Variants in MUC17 observed in about 807,000 individuals in gnomAD.
MUC17 encodes mucin-17.
MUC17 carries 190 observed loss-of-function variants against 170.3 expected under a neutral mutation model. The observed-to-expected ratio is 1.12, with a 90% confidence interval of 0.99 to 1.26. The LOEUF is 1.26. Ranked by LOEUF, MUC17 falls within the 50% of genes most tolerant of loss-of-function variation. The probability of loss-of-function intolerance (pLI) is 0.00; values close to 1 mark genes in which losing one functional copy is unlikely to be tolerated. For synonymous variants in MUC17, 2,325 were observed against 2,002.5 expected (o/e 1.16, Z -4.30); for missense variants, 6,415 against 5,530.0 (o/e 1.16, Z -5.08).
chr7:101,031,325 T>C lies in MUC17; in HGVS notation c.184+104T>C, dbSNP rs879156825. On this transcript the variant is annotated intron_variant, in intron 2 of 12. Transcript: ENST00000306151. ...TGAAGCTGCCATATTTTACAGTGTG[T>C]GACGGCTTGAGATCTGGGGCCAGGA... 1.1e-5 allele frequency: 17 copies of C among 1,488,732 alleles called. No homozygotes were observed. The South Asian group carries it at 2.4e-4, about 21-fold the overall frequency. 92.2% of individuals were successfully genotyped at this position (1,488,732 alleles called of 1,614,324 possible).
At chr7:101,021,789 C>T (rs192833801) in intron 1 of MUC17, among the ~76,000 whole-genome samples, 1 of 152,268 alleles carries the variant, frequency 6.6e-6, no homozygotes, top group Non-Finnish European at 1.5e-5. Flanking sequence ...TTTCCATGTC[C>T]CTTCTCCAGG....
At chr7:101,050,396 G>T in intron 6 of MUC17, 88 bp from the exon 7 acceptor site, 2 of 1,531,310 alleles carry the variant, frequency 1.3e-6, no homozygotes, top group South Asian at 2.6e-5. Flanking sequence ...CCTTCCCTTG[G>T]GATCAGAGAG....
Position 101,043,373 on chromosome 7 carries a change from C to T in MUC17, c.11957C>T (p.Ser3986Leu), listed in dbSNP as rs1562819680. The change falls in exon 3 of 13, where the codon TCA becomes TTA. Residue 3986 changes from serine (S) to leucine (L), a missense_variant. Ser to Leu is a moderately radical substitution (Grantham distance 145, BLOSUM62 -2). Transcript: ENST00000306151. ...TSSSSTTTSF[S>L]TTKEFTTPAM... ...AGTAGTAGTACCACCACATCTTTTT[C>T]AACTACTAAGGAATTTACAACACCC... 3 of 1,614,160 alleles carry T rather than the reference C, an allele frequency of 1.9e-6. No individual in the cohort carries two copies. The highest frequency in any genetic ancestry group is 2.5e-6 in the Non-Finnish European group (3 of 1,180,024).
rs770527656 is a variant in MUC17 at position 101,039,979 on chromosome 7, G to A, written c.8563G>A (p.Glu2855Lys). ...AGCCAGTTCATCTCCTACAACTGCT[G>A]AAGGTATCGTCGTGCCAATCTCAAC... ...TKASSSPTTA[E>K]GIVVPISTAS... is the part of the protein sequence containing the mutation. Residue 2855 changes from glutamate to lysine, a missense_variant, in exon 3 of 13, where the codon GAA (glutamate) becomes AAA (lysine). Coordinates refer to ENST00000306151, the MANE Select transcript of MUC17 (RefSeq NM_001040105.2). The A allele has an allele frequency of 1.5e-5, 24 of 1,613,392 alleles. No individual in the cohort carries two copies. The South Asian group carries it at 2.2e-4, about 15-fold the overall frequency.
chr7:101,021,112 G>A (rs1794069504), intron 1 of MUC17, among the ~76,000 whole-genome samples: 2 of 150,668 alleles, frequency 1.3e-5, no homozygotes, highest in African/African-American at 4.9e-5. Flanking sequence ...CCTTGGTGAT[G>A]TATCTCTAAT....
At position 101,020,184 on chromosome 7, in the gene MUC17, T is replaced by A. The variant is rs137964241; in HGVS notation, c.49T>A (p.Ser17Thr). The A allele has an allele frequency of 3.9e-5, 63 of 1,609,992 alleles. No individual in the cohort carries two copies. In the African/African-American group the frequency reaches 8.0e-4, roughly 20 times the overall value. Residue 17 changes from serine (S) to threonine (T), a missense_variant, in exon 1 of 13, where the codon TCG (serine) becomes ACG (threonine). By Grantham distance (58) the Ser-to-Thr change is moderately conservative. Transcript: ENST00000306151. ...GCTGTGTCTGCTGACCTTGGTCCTC[T>A]CGCTCTTGCCCCCACAAGCTGCTGC... ...MALCLLTLVL[S>T]LLPPQAAAEQ... is the part of the protein sequence containing the mutation.
chr7:101,036,457 C>T lies in MUC17; in HGVS notation c.5041C>T (p.Pro1681Ser), dbSNP rs368432656. 3 of 1,610,532 alleles carry T rather than the reference C, an allele frequency of 1.9e-6. No homozygotes were observed. The highest frequency in any genetic ancestry group is 2.5e-6 in the Non-Finnish European group (3 of 1,178,238). ...SPTPAEGTSM[P>S]TSTYTEGRTP... ...TACACCTGCTGAAGGTACCAGCATGCCAACCTCAACTTATACTGAAGGAAG... is the reference window on the plus strand; with the variant it reads ...TACACCTGCTGAAGGTACCAGCATGTCAACCTCAACTTATACTGAAGGAAG... Residue 1681 changes from proline to serine, a missense_variant, in exon 3 of 13, where the codon CCA becomes TCA. By Grantham distance (74) the Pro-to-Ser change is moderately conservative. Transcript: ENST00000306151.
intron 1 of MUC17, among the ~76,000 whole-genome samples, chr7:101,022,679 T>A (rs116754176): frequency 0.015 from 2,294 of 152,124 alleles, 68 homozygotes; most frequent in African/African-American, 0.052. Flanking sequence ...TAGCTGGAAA[T>A]GGTGGTACAC....
rs1310302479 is a variant in MUC17 at position 101,048,927 on chromosome 7, C to G, written c.12618C>G (p.His4206Gln). The stretch of plus-strand genomic sequence containing the variant: ...AGTTCACCGAAGAGCTAAAAAACCA[C>G]TCTTCCCAGGAATTCCAGGAGTTCA... ...SVKFTEELKNHSSQEFQEFKQ... is the reference protein window; with the variant it reads ...SVKFTEELKNQSSQEFQEFKQ... Residue 4206 changes from histidine to glutamine, a missense_variant, in exon 5 of 13, where the codon CAC (histidine) becomes CAG (glutamine). Coordinates refer to ENST00000306151, the MANE Select transcript of MUC17 (RefSeq NM_001040105.2). 3 of 1,613,942 alleles carry G rather than the reference C, an allele frequency of 1.9e-6. No homozygotes were observed. The highest frequency in any genetic ancestry group is 8.5e-7 in the Non-Finnish European group (1 of 1,179,950).
rs750561173 is a variant in MUC17, at chr7:101,043,562, C to A, written c.12146C>A (p.Ser4049Ter). Residue 4049 changes from serine (S) to a stop codon, truncating the protein, a stop_gained, in exon 3 of 13, where the codon TCA (serine) becomes TAA (stop). Transcript: ENST00000306151. LOFTEE classifies it high-confidence loss of function. ...ACCACCCGTCCTGTGACCCCTTCAT[C>A]AGAATCCAGCAGGCCGTCAACAATT... ...SVTTRPVTPS[S>*]ESSRPSTITS... is the part of the protein sequence containing the mutation. 3 of 1,614,090 alleles carry A rather than the reference C, an allele frequency of 1.9e-6. No homozygotes were observed. The highest frequency in any genetic ancestry group is 1.7e-6 in the Non-Finnish European group (2 of 1,180,056).
At chr7:101,029,753 C>T (rs548120623) in intron 1 of MUC17, among the ~76,000 whole-genome samples, 2 of 152,026 alleles carry the variant, frequency 1.3e-5, no homozygotes, top group Admixed American at 6.5e-5. Context: ...TGCACGCCGC[C>T]GCACCCGGCT....
chr7:101,031,641 T>C lies in MUC17; in HGVS notation c.225T>C (p.Asn75=), dbSNP rs1170974503. The part of the protein sequence containing the change: ...ANTATGTTST[N]VVEPRMYLSC... ...CCGCCACAGGTACAACATCTACAAA[T>C]GTCGTGGAGCCAAGAATGTATTTGA... Residue 75 remains asparagine, a synonymous_variant, in exon 3 of 13, where the codon AAT becomes AAC. Transcript: ENST00000306151. 1.9e-6 allele frequency: 3 copies of C among 1,557,834 alleles called. No individual in the cohort carries two copies. Among genetic ancestry groups the C allele is most frequent in the African/African-American group, 1.4e-5 (1 of 73,362 alleles).
intron 7 of MUC17, 39 bp downstream of exon 7, chr7:101,050,674 T>C: frequency 6.2e-7 from 1 of 1,601,796 alleles, no homozygotes; most frequent in South Asian, 1.1e-5. Context: ...GGAGAAGGCA[T>C]CAGAGCTGGG....
At position 101,053,125 on chromosome 7, in the gene MUC17, C is replaced by T. The variant is rs370049980; in HGVS notation, c.13243C>T (p.Arg4415Cys). 64 of 1,613,770 alleles carry T rather than the reference C, an allele frequency of 4.0e-5. No homozygotes were observed. The highest frequency in any genetic ancestry group is 8.9e-5 in the East Asian group (4 of 44,890). ...ILVALLMLVFRSKREVKRQKY... is the reference protein window; with the variant it reads ...ILVALLMLVFCSKREVKRQKY... Reference sequence around the variant, plus strand: ...GGTAGCTCTCCTGATGCTCGTTTTCCGCTCCAAGAGAGAGGTGAAACGGTG... The same window carrying T: ...GGTAGCTCTCCTGATGCTCGTTTTCTGCTCCAAGAGAGAGGTGAAACGGTG... The change falls in exon 10 of 13, where the codon CGC (arginine) becomes TGC (cysteine). Residue 4415 changes from arginine to cysteine, a missense_variant. Physicochemically the swap from Arg to Cys is radical, Grantham distance 180. Transcript: ENST00000306151.
intron 12 of MUC17, among the ~76,000 whole-genome samples, chr7:101,056,824 C>T (rs1397470882): frequency 1.3e-5 from 2 of 151,522 alleles, no homozygotes. Context: ...TTCCAATTAG[C>T]CCAAGGACAT....
At chr7:101,046,300 T>C (rs1040304310) in intron 3 of MUC17, among the ~76,000 whole-genome samples, 4 of 151,950 alleles carry the variant, frequency 2.6e-5, no homozygotes, top group Non-Finnish European at 5.9e-5. Context: ...CCTCGTGCAC[T>C]TCCCCAGACA....
At position 101,041,609 on chromosome 7, in the gene MUC17, C is replaced by A. The variant is rs762182801; in HGVS notation, c.10193C>A (p.Thr3398Asn). ...SIPTSSPSEG[T>N]TPLASMPVST... Reference sequence around the variant, plus strand: ...CCAACCTCAAGTCCTAGTGAAGGAACCACTCCATTAGCAAGTATGCCTGTC... The same window carrying A: ...CCAACCTCAAGTCCTAGTGAAGGAAACACTCCATTAGCAAGTATGCCTGTC... Residue 3398 changes from threonine (T) to asparagine (N), a missense_variant, in exon 3 of 13, where the codon ACC (threonine) becomes AAC (asparagine). Coordinates refer to ENST00000306151, the MANE Select transcript of MUC17 (RefSeq NM_001040105.2). 2 of 1,605,308 alleles carry A rather than the reference C, an allele frequency of 1.2e-6. No homozygotes were observed. Among genetic ancestry groups the A allele is most frequent in the Non-Finnish European group, 1.7e-6 (2 of 1,176,374 alleles).
chr7:101,053,586 C>G, intron 11 of MUC17, 150 bp downstream of exon 11: 1 of 572,796 alleles, frequency 1.7e-6, no homozygotes. Flanking sequence ...TGGGCAACAA[C>G]ACAGCAAAAC....
chr7:101,055,855 G>A (rs1022352757), intron 11 of MUC17, among the ~76,000 whole-genome samples: 1 of 151,786 alleles, frequency 6.6e-6, no homozygotes, highest in Non-Finnish European at 1.5e-5. Context: ...AAATAGTTTT[G>A]GAAAACAAAA....
Sources: allele counts gnomAD v4.1 joint callset (sites outside exome capture counted in the v4.1 genomes callset), GRCh38; gene constraint gnomAD v4.1.1; transcripts MANE v1.5; gene names NCBI Gene and HGNC (gene_info 2026-07-23, HGNC 2026-07-21).